The following PRORP variants were observed in gnomAD, a reference collection of about 807,000 sequenced individuals.
PRORP encodes mitochondrial ribonuclease P catalytic subunit.
In PRORP, 51 loss-of-function variants were observed where a neutral mutation model predicts 59.4. The observed-to-expected ratio is 0.86, with a 90% CI of 0.69 to 1.08. PRORP has a LOEUF of 1.08. Among genes scored for constraint, PRORP ranks in the 50% least tolerant of loss-of-function variants. The probability of loss-of-function intolerance (pLI) is 0.00; values close to 1 mark genes in which losing one functional copy is unlikely to be tolerated. For missense variants in PRORP, 646 were observed against 690.3 expected (o/e 0.94, Z 0.72); for synonymous variants, 231 against 245.6 (o/e 0.94, Z 0.55).
chr14:35,186,925 C>T lies in PRORP; in HGVS notation c.1275+6148C>T, dbSNP rs569896227. 3.3e-5 allele frequency among the ~76,000 whole-genome samples: 5 copies of T among 152,256 alleles called. No individual in the cohort carries two copies. In the East Asian group the frequency reaches 9.6e-4, roughly 29 times the overall value. ...TCTTTATGAATTTACCTATTCCAGA[C>T]ATTTCATATTTTCACTTAGCATAGT... On this transcript the variant is annotated intron_variant, in intron 5 of 7. Coordinates refer to ENST00000534898, the MANE Select transcript of PRORP (RefSeq NM_014672.4).
At chr14:35,259,358 T>G (rs960242127) in intron 5 of PRORP, among the ~76,000 whole-genome samples, 3 of 152,200 alleles carry the variant, frequency 2.0e-5, no homozygotes, top group Non-Finnish European at 4.4e-5. Flanking sequence ...AGTGAGTTTT[T>G]TTTTAGATAG....
At chr14:35,165,218 G>A (rs1330624910) in intron 4 of PRORP, among the ~76,000 whole-genome samples, 2 of 152,100 alleles carry the variant, frequency 1.3e-5, no homozygotes, top group African/African-American at 4.8e-5. Context: ...TTACTACGTT[G>A]CCCAGGCTGA....
chr14:35,147,130 C>T (rs1382300126), intron 4 of PRORP, among the ~76,000 whole-genome samples: 1 of 152,030 alleles, frequency 6.6e-6, no homozygotes, highest in African/African-American at 2.4e-5. Context: ...TTCCACTATG[C>T]TGTAGACTAT....
intron 5 of PRORP, among the ~76,000 whole-genome samples, chr14:35,256,423 C>T (rs1256300351): frequency 9.7e-5 from 14 of 144,496 alleles, no homozygotes; most frequent in Non-Finnish European, 1.8e-4. Flanking sequence ...CCTCCGCCTC[C>T]TGGGCTTAAG....
intron 4 of PRORP, among the ~76,000 whole-genome samples, chr14:35,128,279 T>G (rs187541394): frequency 1.7e-3 from 199 of 117,688 alleles, no homozygotes; most frequent in Middle Eastern, 9.9e-3. Flanking sequence ...TAGTTTTTTG[T>G]TTTTTTTTTG....
intron 4 of PRORP, among the ~76,000 whole-genome samples, chr14:35,162,697 A>AT (rs1308976296): frequency 6.6e-6 from 1 of 151,740 alleles, no homozygotes; most frequent in South Asian, 2.1e-4. Context: ...ATTTAGAAAG[A>AT]TTTTTTCTGT....
In PRORP at chr14:35,228,120, G is replaced by A. The variant is rs137944491; in HGVS notation, c.1276-38607G>A. On this transcript the variant is annotated intron_variant, in intron 5 of 7. Coordinates refer to ENST00000534898, the MANE Select transcript of PRORP (RefSeq NM_014672.4). ...ATCGCGCCACTGCACTCCAGCCTGGGCGATAGAGCAAGACTCCGTCTCAAA... is the reference window on the plus strand; with the variant it reads ...ATCGCGCCACTGCACTCCAGCCTGGACGATAGAGCAAGACTCCGTCTCAAA... 6.8e-3 allele frequency among the ~76,000 whole-genome samples: 1,038 copies of A among 152,302 alleles called. 9 individuals carry two copies. The highest frequency in any genetic ancestry group is 0.01 in the Non-Finnish European group (692 of 68,028).
intron 5 of PRORP, chr14:35,235,542 T>G (rs1416333743): frequency 1.7e-6 from 1 of 576,748 alleles, no homozygotes; most frequent in Non-Finnish European, 3.3e-6. Context: ...TCCTCCAAGG[T>G]GGTGATGGTG....
intron 4 of PRORP, among the ~76,000 whole-genome samples, chr14:35,162,878 C>T (rs1000724515): frequency 2.0e-5 from 3 of 152,116 alleles, no homozygotes; most frequent in Admixed American, 2.0e-4. Flanking sequence ...CATCATTTAA[C>T]AACCCATATT....
At chr14:35,220,946 G>A (rs2049760423) in intron 5 of PRORP, among the ~76,000 whole-genome samples, 1 of 152,194 alleles carries the variant, frequency 6.6e-6, no homozygotes, top group African/African-American at 2.4e-5. Flanking sequence ...ATCTAAGGGA[G>A]CACAAGCAGA....
intron 5 of PRORP, among the ~76,000 whole-genome samples, chr14:35,199,082 T>C (rs958256130): frequency 1.3e-5 from 2 of 151,266 alleles, no homozygotes; most frequent in African/African-American, 2.4e-5. Context: ...GCAGGAGAAT[T>C]GCTTGAACCC....
intron 5 of PRORP, among the ~76,000 whole-genome samples, chr14:35,195,335 A>C (rs534959841): frequency 6.6e-6 from 1 of 152,274 alleles, no homozygotes; most frequent in East Asian, 1.9e-4. Flanking sequence ...ACAGAAGCCA[A>C]CTGAGTACTG....
intron 5 of PRORP, among the ~76,000 whole-genome samples, chr14:35,208,586 A>G (rs1162385246): frequency 1.3e-5 from 2 of 152,176 alleles, no homozygotes; most frequent in African/African-American, 4.8e-5. Context: ...AAAATTATTA[A>G]TGGCCGGGCA....
chr14:35,158,769 A>T, intron 4 of PRORP: 1 of 365,646 alleles, frequency 2.7e-6, no homozygotes, highest in Non-Finnish European at 5.4e-6. Context: ...GCAGCAACTT[A>T]ACACTACCTT....
chr14:35,184,369 A>G (rs1478016302), intron 5 of PRORP, among the ~76,000 whole-genome samples: 1 of 152,168 alleles, frequency 6.6e-6, no homozygotes, highest in African/African-American at 2.4e-5. Flanking sequence ...TCATGTCAGT[A>G]GAAACTTGCC....
chr14:35,130,037 T>TG (rs1171556105), intron 4 of PRORP, among the ~76,000 whole-genome samples: 4 of 144,026 alleles, frequency 2.8e-5, no homozygotes, highest in African/African-American at 5.3e-5. Context: ...TTTCTTTTTT[T>TG]TTTTTTTTTT....
chr14:35,224,897 TG>T (rs2049894807), intron 5 of PRORP, among the ~76,000 whole-genome samples: 1 of 152,138 alleles, frequency 6.6e-6, no homozygotes, highest in African/African-American at 2.4e-5. Context: ...CTTTTTTTTT[TG>T]GTCACATGTG....
At chr14:35,178,252 A>G (rs1384070118) in intron 4 of PRORP, among the ~76,000 whole-genome samples, 2 of 152,176 alleles carry the variant, frequency 1.3e-5, no homozygotes, top group South Asian at 2.1e-4. Context: ...GTAGATGTCT[A>G]TTAGGTCCGC....
intron 5 of PRORP, among the ~76,000 whole-genome samples, chr14:35,223,583 C>G (rs538800788): frequency 2.0e-5 from 3 of 152,008 alleles, no homozygotes; most frequent in African/African-American, 7.2e-5. Flanking sequence ...CCTCAGCCTC[C>G]CAAGTAGCTG....
Sources: allele counts gnomAD v4.1 joint callset (sites outside exome capture counted in the v4.1 genomes callset), GRCh38; gene constraint gnomAD v4.1.1; transcripts MANE v1.5; gene names NCBI Gene and HGNC (gene_info 2026-07-23, HGNC 2026-07-21).